Variants in GLRA3 observed in about 807,000 individuals in gnomAD.
GLRA3 encodes glycine receptor alpha 3.
A neutral mutation model predicts 60.4 loss-of-function variants in GLRA3; 44 were observed. That is an observed-to-expected ratio of 0.73 (90% confidence interval 0.57 to 0.94). GLRA3 has a LOEUF of 0.94. GLRA3 is among the 40% of genes least tolerant of loss of function. The probability of loss-of-function intolerance (pLI) is 0.00; values close to 1 mark genes in which losing one functional copy is unlikely to be tolerated. For synonymous variants in GLRA3, 223 were observed against 192.9 expected (o/e 1.16, Z -1.29); for missense variants, 508 against 564.6 (o/e 0.90, Z 1.02).
intron 4 of GLRA3, among the ~76,000 whole-genome samples, chr4:174,715,996 T>C (rs981418078): frequency 6.6e-6 from 1 of 152,196 alleles, no homozygotes; most frequent in African/African-American, 2.4e-5. Flanking sequence ...ATAAAATTAA[T>C]GCCAAACGTC....
intron 1 of GLRA3, among the ~76,000 whole-genome samples, chr4:174,798,237 A>G (rs13110411): frequency 0.27 from 40,543 of 152,040 alleles, 5,731 homozygotes; most frequent in Non-Finnish European, 0.3. Context: ...GGGAAGGTTT[A>G]GGGTATGATG....
intron 7 of GLRA3, among the ~76,000 whole-genome samples, chr4:174,663,000 C>T (rs1733513899): frequency 6.6e-6 from 1 of 152,002 alleles, no homozygotes; most frequent in Non-Finnish European, 1.5e-5. Context: ...GGGGGAGAAA[C>T]TGAATCATAG....
At chr4:174,775,806 A>AT (rs1286219281) in intron 2 of GLRA3, among the ~76,000 whole-genome samples, 4 of 152,242 alleles carry the variant, frequency 2.6e-5, no homozygotes, top group South Asian at 2.1e-4. Flanking sequence ...ATTGAACGTC[A>AT]TTTTCTTTCT....
At chr4:174,803,518 CT>C (rs1483654742) in intron 1 of GLRA3, among the ~76,000 whole-genome samples, 1 of 152,086 alleles carries the variant, frequency 6.6e-6, no homozygotes, top group Non-Finnish European at 1.5e-5. Flanking sequence ...GTATTTTGTT[CT>C]TTTCTGTCAT....
intron 2 of GLRA3, among the ~76,000 whole-genome samples, chr4:174,779,545 A>G (rs1738777826): frequency 6.6e-6 from 1 of 152,170 alleles, no homozygotes; most frequent in African/African-American, 2.4e-5. Context: ...AACCAAAGGC[A>G]AAGAAGTTGA....
intron 5 of GLRA3, among the ~76,000 whole-genome samples, chr4:174,706,242 GA>G (rs11350156): frequency 0.36 from 54,369 of 149,044 alleles, 10,125 homozygotes; most frequent in East Asian, 0.64. Context: ...AAAAAAAAAA[GA>G]AAAAAAAAAT....
At chr4:174,657,929 G>A (rs945830807) in intron 8 of GLRA3, among the ~76,000 whole-genome samples, 6 of 152,112 alleles carry the variant, frequency 3.9e-5, no homozygotes, top group African/African-American at 1.2e-4. Context: ...TATTGGAGCA[G>A]TGATGCTTTT....
intron 1 of GLRA3, among the ~76,000 whole-genome samples, chr4:174,813,935 C>A (rs138438749): frequency 1.5e-3 from 228 of 152,258 alleles, no homozygotes; most frequent in Non-Finnish European, 2.3e-3. Flanking sequence ...AGCTCGTTTA[C>A]TCAGCCCACA....
intron 1 of GLRA3, among the ~76,000 whole-genome samples, chr4:174,794,494 T>A (rs1164648406): frequency 1.3e-5 from 2 of 151,938 alleles, no homozygotes; most frequent in African/African-American, 4.8e-5. Context: ...CACACACACA[T>A]ACACACCACA....
Position 174,828,968 on chromosome 4 carries a change from G to A in GLRA3, c.-157C>T, listed in dbSNP as rs1367525148. The stretch of plus-strand genomic sequence containing the variant: ...CCTTAGACAGCTCCCCGCAGTATGC[G>A]GACCCCTTCTCAGCATTGAGCAGAA... On this transcript the variant is annotated 5_prime_UTR_variant, in exon 1 of 10. Coordinates refer to ENST00000274093, the MANE Select transcript of GLRA3 (RefSeq NM_006529.4). The A allele has an allele frequency of 8.0e-6, 5 of 626,548 alleles. No individual in the cohort carries two copies. The highest frequency in any genetic ancestry group is 1.5e-5 in the Non-Finnish European group (5 of 344,096). The allele number at this position is 626,548 out of a possible 1,614,324, so 38.8% of individuals were successfully genotyped here. A position where few individuals can be genotyped will look rare whatever the true frequency, so the allele number is the denominator to read the frequency against.
intron 4 of GLRA3, among the ~76,000 whole-genome samples, chr4:174,725,543 C>T (rs975819492): frequency 6.6e-6 from 1 of 152,116 alleles, no homozygotes; most frequent in Non-Finnish European, 1.5e-5. Context: ...TGCAGTGGTG[C>T]GATCTGGGCT....
chr4:174,724,694 T>C (rs1271416374), intron 4 of GLRA3, among the ~76,000 whole-genome samples: 1 of 152,152 alleles, frequency 6.6e-6, no homozygotes, highest in Non-Finnish European at 1.5e-5. Flanking sequence ...TGACCATACT[T>C]TCCAGGCAGA....
In GLRA3 at chr4:174,657,772, AAT is replaced by A. The variant is rs558540171; in HGVS notation, c.1072-987_1072-986del. 4.2e-3 allele frequency among the ~76,000 whole-genome samples: 635 copies of A among 152,276 alleles called. 2 individuals carry two copies. The highest frequency in any genetic ancestry group is 5.5e-3 in the Non-Finnish European group (376 of 67,986). On this transcript the variant is annotated intron_variant, in intron 8 of 9. Coordinates refer to ENST00000274093, the MANE Select transcript of GLRA3 (RefSeq NM_006529.4). ...AAGATAAAGTTAATCTCCCCATCAC[AAT>A]ATGTTTCAGTGTACAAAAGATATGC...
chr4:174,647,842 T>C (rs1732885156), intron 9 of GLRA3, among the ~76,000 whole-genome samples: 1 of 152,200 alleles, frequency 6.6e-6, no homozygotes, highest in Non-Finnish European at 1.5e-5. Context: ...GTGTTTTACA[T>C]TCACAGCACA....
At chr4:174,667,200 A>G (rs964272620) in intron 7 of GLRA3, among the ~76,000 whole-genome samples, 1 of 152,058 alleles carries the variant, frequency 6.6e-6, no homozygotes, top group Non-Finnish European at 1.5e-5. Context: ...AGAACTACTC[A>G]CAGTCAACCC....
At chr4:174,647,446 A>C (rs1386177331) in intron 9 of GLRA3, among the ~76,000 whole-genome samples, 1 of 146,906 alleles carries the variant, frequency 6.8e-6, no homozygotes, top group African/African-American at 2.4e-5. Context: ...AAACTACTCA[A>C]GGGAAAGAGA....
At chr4:174,813,729 G>A (rs1053902366) in intron 1 of GLRA3, among the ~76,000 whole-genome samples, 24 of 152,110 alleles carry the variant, frequency 1.6e-4, no homozygotes, top group Non-Finnish European at 2.9e-4. Context: ...GCCCTTTTCT[G>A]ATTTAAAATC....
rs1414931766 is a variant in GLRA3 at position 174,772,292 on chromosome 4, A to C, written c.200-5262T>G. Among the ~76,000 whole-genome samples, 3 of 152,182 alleles carry C rather than the reference A, an allele frequency of 2.0e-5. No homozygotes were observed. The East Asian group carries it at 5.8e-4, about 29-fold the overall frequency. On this transcript the variant is annotated intron_variant, in intron 2 of 9. Transcript: ENST00000274093. ...AACATTCCTCCAATAAGAAGCAGAA[A>C]GCTCTTCCTAAAGGTGAAAAGTTGC...
At chr4:174,650,838 C>G (rs11934522) in intron 9 of GLRA3, among the ~76,000 whole-genome samples, 3,159 of 152,262 alleles carry the variant, frequency 0.021, 41 homozygotes, top group Middle Eastern at 0.044. Context: ...CAAAACAGAC[C>G]ATCTAGTTTA....
Sources: gnomAD v4.1 joint callset for allele counts (sites outside exome capture counted in the v4.1 genomes callset) on GRCh38, gnomAD v4.1.1 for gene constraint, MANE v1.5 for transcripts, NCBI Gene and HGNC (gene_info 2026-07-23, HGNC 2026-07-21) for gene names.